The following TMEM132C variants were observed in gnomAD, a reference collection of about 807,000 sequenced individuals.
TMEM132C encodes protein phosphatase 1, regulatory subunit 152.
A neutral mutation model predicts 61.4 loss-of-function variants in TMEM132C; 29 were observed. That is an observed-to-expected ratio of 0.47 (90% confidence interval 0.35 to 0.64). The LOEUF (loss-of-function observed/expected upper bound fraction) is 0.64. Ranked by LOEUF, TMEM132C falls within the 30% of genes least tolerant of loss-of-function variation. TMEM132C has a pLI of 0.00. For missense variants in TMEM132C, 1,408 were observed against 1,476.9 expected (o/e 0.95, Z 0.76); for synonymous variants, 656 against 633.1 (o/e 1.04, Z -0.54).
intron 5 of TMEM132C, among the ~76,000 whole-genome samples, chr12:128,686,104 G>A (rs994645038): frequency 2.0e-5 from 3 of 150,316 alleles, no homozygotes; most frequent in Admixed American, 6.6e-5. Flanking sequence ...GCGCATGTGT[G>A]TGCATGTGTG....
Position 128,670,378 on chromosome 12 carries a change from T to A in TMEM132C, c.1449+818T>A, listed in dbSNP as rs150365265. 5.5e-3 allele frequency among the ~76,000 whole-genome samples: 830 copies of A among 152,274 alleles called. 5 individuals are homozygous for A. The highest frequency in any genetic ancestry group is 8.3e-3 in the South Asian group (40 of 4,824). On this transcript the variant is annotated intron_variant, in intron 5 of 8. Transcript: ENST00000435159. ...ATACCAAAAAATTGCTTGAACATAT[T>A]CCTTCTCCTGTCTAACTGATATTTT...
intron 3 of TMEM132C, among the ~76,000 whole-genome samples, chr12:128,585,128 G>T (rs139331999): frequency 6.6e-6 from 1 of 152,352 alleles, no homozygotes; most frequent in East Asian, 1.9e-4. Flanking sequence ...GTCTCTACAC[G>T]TACAGGCCGT....
chr12:128,664,055 C>T (rs1252028961), intron 4 of TMEM132C, among the ~76,000 whole-genome samples: 1 of 106,964 alleles, frequency 9.3e-6, no homozygotes, highest in Non-Finnish European at 2.1e-5. Flanking sequence ...CACGCGGGCA[C>T]TCACAGGCAC....
intron 1 of TMEM132C, chr12:128,288,743 C>T (rs1296484762): frequency 6.6e-6 from 1 of 152,240 alleles, no homozygotes; most frequent in African/African-American, 2.4e-5. Context: ...TCTCTGAAGT[C>T]TGGCACATGC....
chr12:128,365,887 C>T (rs571255164), intron 1 of TMEM132C, among the ~76,000 whole-genome samples: 128 of 152,246 alleles, frequency 8.4e-4, no homozygotes, highest in South Asian at 2.7e-3. Flanking sequence ...GAGCCCTCCC[C>T]GGGAAGGCTG....
intron 1 of TMEM132C, among the ~76,000 whole-genome samples, chr12:128,359,665 T>A (rs1873634947): frequency 6.6e-6 from 1 of 152,220 alleles, no homozygotes; most frequent in African/African-American, 2.4e-5. Context: ...TCTCTGAGGG[T>A]GTTTTCATTC....
intron 1 of TMEM132C, among the ~76,000 whole-genome samples, chr12:128,352,210 G>C (rs1264182266): frequency 6.6e-6 from 1 of 152,134 alleles, no homozygotes. Context: ...TTGACTCACA[G>C]TTCCACGGGG....
chr12:128,403,154 AG>A (rs113741990), intron 1 of TMEM132C, among the ~76,000 whole-genome samples: 5 of 152,238 alleles, frequency 3.3e-5, no homozygotes, highest in Non-Finnish European at 7.3e-5. Context: ...TTCAATAAAA[AG>A]GAAACAATGA....
At chr12:128,654,361 A>T (rs879739029) in intron 4 of TMEM132C, among the ~76,000 whole-genome samples, 5 of 152,144 alleles carry the variant, frequency 3.3e-5, no homozygotes, top group African/African-American at 4.8e-5. Flanking sequence ...GAGGCAGGGA[A>T]GGATCCTGCC....
At chr12:128,280,212 A>G (rs746155792) in intron 1 of TMEM132C, among the ~76,000 whole-genome samples, 1 of 152,234 alleles carries the variant, frequency 6.6e-6, no homozygotes, top group African/African-American at 2.4e-5. Context: ...TCTCTCCGTC[A>G]GTCGCTCCAG....
intron 3 of TMEM132C, among the ~76,000 whole-genome samples, chr12:128,564,690 C>G (rs1372423222): frequency 6.6e-6 from 1 of 152,232 alleles, no homozygotes; most frequent in Non-Finnish European, 1.5e-5. Context: ...GAAGACACTT[C>G]TCTGGGCCTC....
intron 1 of TMEM132C, among the ~76,000 whole-genome samples, chr12:128,413,129 T>C (rs1372797552): frequency 6.6e-6 from 1 of 151,816 alleles, no homozygotes; most frequent in Admixed American, 6.6e-5. Context: ...AAACTCCATC[T>C]CTACTAAAAA....
At chr12:128,289,873 C>G (rs1286300746) in intron 1 of TMEM132C, among the ~76,000 whole-genome samples, 12 of 152,172 alleles carry the variant, frequency 7.9e-5, no homozygotes, top group Non-Finnish European at 1.6e-4. Flanking sequence ...TAACTGATAG[C>G]ATGTTTAAAG....
At chr12:128,347,397 G>GTCTCTCTCTCTCTCTCTCTC (rs55729184) in intron 1 of TMEM132C, among the ~76,000 whole-genome samples, 27 of 135,522 alleles carry the variant, frequency 2.0e-4, no homozygotes, top group African/African-American at 3.6e-4. Flanking sequence ...GCATATGTAT[G>GTCTCTCTCTCTCTCTCTCTC]TCTCTCTCTC....
At chr12:128,684,581 C>T (rs933357371) in intron 5 of TMEM132C, among the ~76,000 whole-genome samples, 1 of 152,202 alleles carries the variant, frequency 6.6e-6, no homozygotes, top group Non-Finnish European at 1.5e-5. Context: ...AGTCCTGAGC[C>T]GAGAACGACG....
intron 3 of TMEM132C, among the ~76,000 whole-genome samples, chr12:128,551,162 T>C (rs1874161148): frequency 6.6e-6 from 1 of 151,992 alleles, no homozygotes; most frequent in African/African-American, 2.4e-5. Context: ...CCTTGTCTTA[T>C]GATCGGCTTC....
chr12:128,700,505 G>T (rs1298241830), intron 8 of TMEM132C, among the ~76,000 whole-genome samples: 1 of 152,124 alleles, frequency 6.6e-6, no homozygotes, highest in African/African-American at 2.4e-5. Context: ...TCCCCATCTA[G>T]TTTGTGAAGA....
chr12:128,587,409 G>A (rs1277667606), intron 3 of TMEM132C, among the ~76,000 whole-genome samples: 1 of 152,162 alleles, frequency 6.6e-6, no homozygotes, highest in Non-Finnish European at 1.5e-5. Flanking sequence ...CACTGGTAAT[G>A]TCACTAAGCC....
At chr12:128,466,424 A>G (rs184239002) in intron 2 of TMEM132C, among the ~76,000 whole-genome samples, 3 of 152,332 alleles carry the variant, frequency 2.0e-5, no homozygotes, top group Admixed American at 2.0e-4. Context: ...TGAAAATTCA[A>G]CTTTCTGACT....
Sources: gnomAD v4.1 joint callset for allele counts (sites outside exome capture counted in the v4.1 genomes callset) on GRCh38, gnomAD v4.1.1 for gene constraint, MANE v1.5 for transcripts, NCBI Gene and HGNC (gene_info 2026-07-23, HGNC 2026-07-21) for gene names.